The following ITGA2 variants were observed in gnomAD, a reference collection of about 807,000 sequenced individuals.
ITGA2 encodes the protein integrin alpha-2.
In ITGA2, 101 loss-of-function variants were observed where a neutral mutation model predicts 146.3. The ratio of observed to expected loss-of-function variants is 0.69; its 90% CI spans 0.59 to 0.81. The LOEUF is 0.81. Ranked by LOEUF, ITGA2 falls within the 40% of genes least tolerant of loss-of-function variation. The probability of loss-of-function intolerance (pLI) is 0.00; values close to 1 mark genes in which losing one functional copy is unlikely to be tolerated. For missense variants in ITGA2, 1,281 were observed against 1,402.7 expected (o/e 0.91, Z 1.39); for synonymous variants, 477 against 487.1 (o/e 0.98, Z 0.27).
At chr5:53,069,212 T>G (rs974397856) in intron 16 of ITGA2, among the ~76,000 whole-genome samples, 1 of 151,904 alleles carries the variant, frequency 6.6e-6, no homozygotes, top group Non-Finnish European at 1.5e-5. Context: ...TCTCTCAATT[T>G]TGGACACACG....
At chr5:53,020,542 G>A (rs900307027) in intron 1 of ITGA2, among the ~76,000 whole-genome samples, 1 of 152,074 alleles carries the variant, frequency 6.6e-6, no homozygotes, top group Non-Finnish European at 1.5e-5. Context: ...TTGTGCATGT[G>A]ACAATAAGAT....
At chr5:53,027,364 T>C (rs1035996136) in intron 2 of ITGA2, among the ~76,000 whole-genome samples, 1 of 152,180 alleles carries the variant, frequency 6.6e-6, no homozygotes, top group Non-Finnish European at 1.5e-5. Context: ...CTCACAAATA[T>C]CAATGCAAAA....
intron 1 of ITGA2, among the ~76,000 whole-genome samples, chr5:53,011,789 A>G (rs1742144909): frequency 6.6e-6 from 1 of 152,046 alleles, no homozygotes; most frequent in South Asian, 2.1e-4. Context: ...TGGGACCAAG[A>G]AAACCCGGAC....
chr5:53,025,565 A>G (rs970189054), intron 1 of ITGA2, among the ~76,000 whole-genome samples: 1 of 152,210 alleles, frequency 6.6e-6, no homozygotes, highest in Non-Finnish European at 1.5e-5. Flanking sequence ...ATCATTTTGG[A>G]GCACTCTACA....
chr5:53,055,614 T>G lies in ITGA2; in HGVS notation c.856T>G (p.Ser286Ala). Reference sequence around the variant, plus strand: ...AATGGTAGTTGTAACTGACGGTGAATCACATGATGGTTCAATGTTGAAAGC... The same window carrying G: ...AATGGTAGTTGTAACTGACGGTGAAGCACATGATGGTTCAATGTTGAAAGC... ...KVMVVVTDGE[S>A]HDGSMLKAVI... Residue 286 changes from serine (S) to alanine (A), a missense_variant, in exon 8 of 30, where the codon TCA (serine) becomes GCA (alanine). Physicochemically the swap from Ser to Ala is moderately conservative, Grantham distance 99. Coordinates refer to ENST00000296585, the MANE Select transcript of ITGA2 (RefSeq NM_002203.4). 6.2e-7 allele frequency: 1 copy of G among 1,613,258 alleles called. No individual in the cohort carries two copies. Among genetic ancestry groups the G allele is most frequent in the Non-Finnish European group, 8.5e-7 (1 of 1,179,366 alleles).
intron 19 of ITGA2, 58 bp from the exon 20 acceptor site, chr5:53,073,060 T>C: frequency 6.4e-7 from 1 of 1,555,032 alleles, no homozygotes; most frequent in Admixed American, 1.7e-5. Flanking sequence ...AATTTTAAAA[T>C]ACTGGCCTTT....
At chr5:53,002,914 G>A (rs1042370057) in intron 1 of ITGA2, among the ~76,000 whole-genome samples, 1 of 151,914 alleles carries the variant, frequency 6.6e-6, no homozygotes, top group African/African-American at 2.4e-5. Context: ...ATTTTTTCAA[G>A]TTACGATTTA....
Position 53,090,796 on chromosome 5 carries a change from G to A in ITGA2, c.*197G>A. 4.9e-6 allele frequency: 3 copies of A among 613,262 alleles called. No individual in the cohort carries two copies. The highest frequency in any genetic ancestry group is 1.9e-5 in the South Asian group (1 of 51,378). The allele number at this position is 613,262 out of a possible 1,614,324, so 38.0% of individuals were successfully genotyped here. The stretch of plus-strand genomic sequence containing the variant: ...GTGGGGGAGGTGCGGGGGGCAGGTA[G>A]GGAAATAATAGGGAAAATACCTATT... On this transcript the variant is annotated 3_prime_UTR_variant, in exon 30 of 30. Transcript: ENST00000296585.
intron 15 of ITGA2, 73 bp downstream of exon 15, chr5:53,066,050 G>C: frequency 5.0e-6 from 7 of 1,402,812 alleles, no homozygotes; most frequent in Non-Finnish European, 7.1e-6. Flanking sequence ...TGTCTGTACT[G>C]GTATTATAGA....
chr5:52,992,298 ATCC>A (rs1302730197), intron 1 of ITGA2, among the ~76,000 whole-genome samples: 10 of 151,480 alleles, frequency 6.6e-5, no homozygotes, highest in African/African-American at 2.2e-4. Context: ...TTCATCCTGA[ATCC>A]TCCTCTTCAT....
In ITGA2 at chr5:53,094,317, T is replaced by C. The variant is rs1740593368; in HGVS notation, c.*3718T>C. 6.6e-6 allele frequency: 1 copy of C among 152,208 alleles called. No homozygotes were observed. Among genetic ancestry groups the C allele is most frequent in the Non-Finnish European group, 1.5e-5 (1 of 68,022 alleles). 9.4% of individuals were successfully genotyped at this position (152,208 alleles called of 1,614,324 possible). On this transcript the variant is annotated 3_prime_UTR_variant, in exon 30 of 30. Coordinates refer to ENST00000296585, the MANE Select transcript of ITGA2 (RefSeq NM_002203.4). Reference sequence around the variant, plus strand: ...ATGAAATAGGTGAAAATCTTAACTATTTCTTTGAACTCTAAAGACTGAAAC... The same window carrying C: ...ATGAAATAGGTGAAAATCTTAACTACTTCTTTGAACTCTAAAGACTGAAAC...
chr5:53,090,497 T>G, intron 29 of ITGA2, 22 bp from the exon 30 acceptor site: 1 of 1,609,416 alleles, frequency 6.2e-7, no homozygotes, highest in Non-Finnish European at 8.5e-7. Flanking sequence ...GTGGTAACAT[T>G]CTTATATCAT....
intron 1 of ITGA2, among the ~76,000 whole-genome samples, chr5:53,020,028 T>G (rs1005108009): frequency 3.9e-5 from 6 of 152,204 alleles, no homozygotes; most frequent in African/African-American, 1.2e-4. Context: ...ACCTATTGTT[T>G]TAGGCATCTA....
chr5:53,002,345 T>A (rs1055563149), intron 1 of ITGA2, among the ~76,000 whole-genome samples: 1 of 152,150 alleles, frequency 6.6e-6, no homozygotes, highest in Non-Finnish European at 1.5e-5. Context: ...GGATTTTCTT[T>A]ATAAAGTTGA....
In ITGA2 at chr5:53,026,880, C is replaced by T. The variant is rs927325554; in HGVS notation, c.185+12C>T. On this transcript the variant is annotated intron_variant, in intron 2 of 29. Coordinates refer to ENST00000296585, the MANE Select transcript of ITGA2 (RefSeq NM_002203.4). ...CCAAAAGGCAACTGGTAAGAATATT[C>T]TCTTCTTTATGATTTCAGTAAAAAT... 14 of 1,606,886 alleles carry T rather than the reference C, an allele frequency of 8.7e-6. No homozygotes were observed. The highest frequency in any genetic ancestry group is 1.1e-5 in the Non-Finnish European group (13 of 1,173,854).
chr5:53,091,066 G>C lies in ITGA2; in HGVS notation c.*467G>C. 3.8e-6 allele frequency: 1 copy of C among 262,436 alleles called. No homozygotes were observed. Among genetic ancestry groups the C allele is most frequent in the Non-Finnish European group, 7.0e-6 (1 of 142,240 alleles). The allele number at this position is 262,436 out of a possible 1,614,324, so 16.3% of individuals were successfully genotyped here. A position where few individuals can be genotyped will look rare whatever the true frequency, so the allele number is the denominator to read the frequency against. On this transcript the variant is annotated 3_prime_UTR_variant, in exon 30 of 30. Transcript: ENST00000296585. ...ACTTGTGTATATTTTAATGAATATT[G>C]ATGTTAACAAGAGGGGAAAACAAAA... is the stretch of plus-strand genomic sequence containing the variant.
At chr5:53,050,462 G>A (rs1466933730) in intron 6 of ITGA2, among the ~76,000 whole-genome samples, 7 of 152,092 alleles carry the variant, frequency 4.6e-5, no homozygotes, top group African/African-American at 1.7e-4. Flanking sequence ...CCTAGAGAAA[G>A]GGGTCCAGGA....
In ITGA2 at chr5:53,072,634, G is replaced by A; in HGVS notation, c.2368G>A (p.Gly790Ser). ...GTAGATTCCTTTCCACAAAGACTGT[G>A]GTGAGGACGGACTTTGCATTTCTGA... The part of the protein sequence containing the change: ...VFSIPFHKDC[G>S]EDGLCISDLV... Residue 790 changes from glycine (G) to serine (S), a missense_variant, in exon 19 of 30, where the codon GGT (glycine) becomes AGT (serine). Physicochemically the swap from Gly to Ser is moderately conservative, Grantham distance 56 (BLOSUM62 0). Around this residue, in one of 3 missense-constraint regions of ITGA2, gnomAD observed 475 missense variants for 530.5 expected, o/e 0.90. Transcript: ENST00000296585. The A allele has an allele frequency of 6.2e-7, 1 of 1,610,552 alleles. No homozygotes were observed. Among genetic ancestry groups the A allele is most frequent in the Non-Finnish European group, 8.5e-7 (1 of 1,178,348 alleles).
At chr5:53,035,373 G>C (rs2111855811) in intron 2 of ITGA2, among the ~76,000 whole-genome samples, 1 of 152,260 alleles carries the variant, frequency 6.6e-6, no homozygotes, top group East Asian at 1.9e-4. Context: ...CCAATTTCTG[G>C]AATTTTTATG....
Sources: gnomAD v4.1 joint callset for allele counts (sites outside exome capture counted in the v4.1 genomes callset) on GRCh38, gnomAD v4.1.1 for gene constraint, gnomAD v4.1.1 regional missense constraint, MANE v1.5 for transcripts, NCBI Gene and HGNC (gene_info 2026-07-23, HGNC 2026-07-21) for gene names.